MIER2: variants seen among roughly 807,000 people sequenced by gnomAD.
MIER2 encodes the protein MIER family member 2.
MIER2 carries 30 observed loss-of-function variants against 67.6 expected under a neutral mutation model. The observed-to-expected ratio is 0.44, with a 90% confidence interval of 0.33 to 0.60. The LOEUF (loss-of-function observed/expected upper bound fraction) is 0.60. Among genes scored for constraint, MIER2 ranks in the 20% least tolerant of loss-of-function variants. The pLI, the probability that MIER2 is intolerant of heterozygous loss-of-function variation, is 0.02. For missense variants in MIER2, 702 were observed against 745.1 expected, an observed-to-expected ratio of 0.94 and a Z score of 0.67; for synonymous variants, 372 against 312.6, an observed-to-expected ratio of 1.19 and a Z score of -2.00.
intron 5 of MIER2, 99 bp downstream of exon 5, chr19:327,028 GTGATGA>G: frequency 7.0e-7 from 1 of 1,437,876 alleles, no homozygotes; most frequent in Non-Finnish European, 9.3e-7. Flanking sequence ...GCCCTCATCT[GTGATGA>G]GTTCTTGGCC....
intron 3 of MIER2, among the ~76,000 whole-genome samples, chr19:333,713 G>C (rs547891238): frequency 1.6e-5 from 2 of 122,956 alleles, no homozygotes; most frequent in African/African-American, 6.4e-5. Flanking sequence ...TTTGGAGACG[G>C]AGTCTCGCTG....
chr19:325,276 C>G (rs1172129569), intron 7 of MIER2, among the ~76,000 whole-genome samples: 1 of 152,236 alleles, frequency 6.6e-6, no homozygotes, highest in African/African-American at 2.4e-5. Flanking sequence ...TCCGGCGGGT[C>G]TCTGGAGAAC....
chr19:328,113 C>T (rs1798271265), intron 3 of MIER2, 124 bp from the exon 4 acceptor site: 2 of 1,340,214 alleles, frequency 1.5e-6, no homozygotes, highest in African/African-American at 1.5e-5. Context: ...ATAGCAACTC[C>T]CCACATGGCA....
chr19:327,036 T>C, intron 5 of MIER2, 97 bp downstream of exon 5: 1 of 1,475,866 alleles, frequency 6.8e-7, no homozygotes, highest in Non-Finnish European at 9.0e-7. Flanking sequence ...CTGTGATGAG[T>C]TCTTGGCCTG....
At chr19:312,011 GGGGAGAA>G in intron 9 of MIER2, 72 bp from the exon 10 acceptor site, 3 of 1,231,826 alleles carry the variant, frequency 2.4e-6, no homozygotes, top group South Asian at 3.4e-5. Flanking sequence ...GGCCCAGGCC[GGGGAGAA>G]CAGTCAGCGG....
At chr19:332,263 C>T (rs1428472680) in intron 3 of MIER2, among the ~76,000 whole-genome samples, 1 of 151,938 alleles carries the variant, frequency 6.6e-6, no homozygotes, top group African/African-American at 2.4e-5. Flanking sequence ...CATCTCAGCT[C>T]ATTTTAAAAT....
intron 7 of MIER2, among the ~76,000 whole-genome samples, chr19:314,324 C>G (rs545531888): frequency 1.1e-4 from 17 of 152,256 alleles, no homozygotes. Flanking sequence ...TGGCTTTCGG[C>G]AAAGGGAGGG....
At chr19:306,993 G>C in intron 13 of MIER2, 126 bp downstream of exon 13, 1 of 1,166,776 alleles carries the variant, frequency 8.6e-7, no homozygotes. Context: ...CTGAGAGCCT[G>C]CTCGTGGAGC....
At chr19:309,319 G>C (rs897982077) in intron 10 of MIER2, among the ~76,000 whole-genome samples, 1 of 152,002 alleles carries the variant, frequency 6.6e-6, no homozygotes, top group Non-Finnish European at 1.5e-5. Context: ...TCACAGGCCC[G>C]GGGTGGGAGT....
intron 12 of MIER2, among the ~76,000 whole-genome samples, chr19:307,842 T>C (rs1970733211): frequency 6.6e-6 from 1 of 150,704 alleles, no homozygotes; most frequent in African/African-American, 2.4e-5. Context: ...AAATACAGGG[T>C]CTGTGGAATA....
intron 10 of MIER2, among the ~76,000 whole-genome samples, chr19:309,643 G>C (rs1970838209): frequency 8.9e-6 from 1 of 111,896 alleles, no homozygotes; most frequent in South Asian, 3.3e-4. Context: ...CAAGGCTTCA[G>C]GGAGACGAGA....
intron 3 of MIER2, among the ~76,000 whole-genome samples, chr19:333,896 G>T (rs1033385086): frequency 6.6e-6 from 1 of 152,050 alleles, no homozygotes; most frequent in Non-Finnish European, 1.5e-5. Context: ...GTTTCACCGT[G>T]TTAGCCAGGA....
At chr19:328,288 C>T (rs1971858284) in intron 3 of MIER2, among the ~76,000 whole-genome samples, 1 of 152,100 alleles carries the variant, frequency 6.6e-6, no homozygotes, top group Non-Finnish European at 1.5e-5. Context: ...GATGGTGTGA[C>T]ACAGGGTGAA....
At chr19:335,008 GACA>G (rs1210226329) in intron 2 of MIER2, among the ~76,000 whole-genome samples, 2 of 152,168 alleles carry the variant, frequency 1.3e-5, no homozygotes, top group Non-Finnish European at 2.9e-5. Flanking sequence ...ATGGGGGCTC[GACA>G]ACACCAGTCC....
At chr19:330,576 TATG>T (rs1971980058) in intron 3 of MIER2, among the ~76,000 whole-genome samples, 1 of 151,300 alleles carries the variant, frequency 6.6e-6, no homozygotes, top group African/African-American at 2.4e-5. Context: ...AAAAAAAACT[TATG>T]ATAAGGCTGG....
intron 1 of MIER2, among the ~76,000 whole-genome samples, chr19:339,655 C>T (rs903217423): frequency 6.6e-6 from 1 of 152,226 alleles, no homozygotes; most frequent in African/African-American, 2.4e-5. Context: ...GAAGGACGCA[C>T]TGACACACTA....
chr19:325,396 T>G lies in MIER2; in HGVS notation c.655+239A>C, dbSNP rs1426887856. On this transcript the variant is annotated intron_variant, in intron 7 of 13. Transcript: ENST00000264819. ...CAGAGGCAGGACGGGCTGCTGAGGG[T>G]CTGGCTGCACAGGCTGACCAGAGCA... 2.0e-5 allele frequency among the ~76,000 whole-genome samples: 3 copies of G among 151,948 alleles called. No homozygotes were observed. In the East Asian group the frequency reaches 5.8e-4, roughly 29 times the overall value.
intron 2 of MIER2, among the ~76,000 whole-genome samples, chr19:334,910 G>A (rs1017745491): frequency 7.9e-5 from 12 of 152,132 alleles, no homozygotes; most frequent in Non-Finnish European, 1.2e-4. Context: ...GGTTCACACC[G>A]GACTCCATGA....
At chr19:328,624 T>A (rs1300586742) in intron 3 of MIER2, among the ~76,000 whole-genome samples, 1 of 152,162 alleles carries the variant, frequency 6.6e-6, no homozygotes, top group East Asian at 1.9e-4. Context: ...GGCATCCACC[T>A]GTAGTCTCAG....
Sources: gnomAD v4.1 joint callset for allele counts (sites outside exome capture counted in the v4.1 genomes callset) on GRCh38, gnomAD v4.1.1 for gene constraint, MANE v1.5 for transcripts, NCBI Gene and HGNC (gene_info 2026-07-23, HGNC 2026-07-21) for gene names.